The following RAVER2 variants were observed in gnomAD, a reference collection of about 807,000 sequenced individuals.
RAVER2 encodes the protein ribonucleoprotein PTB-binding 2.
RAVER2 carries 46 observed loss-of-function variants against 78.1 expected under a neutral mutation model. The observed-to-expected ratio is 0.59, with a 90% CI of 0.46 to 0.75. RAVER2 has a LOEUF of 0.75. Among genes scored for constraint, RAVER2 ranks in the 30% least tolerant of loss-of-function variants. The probability of loss-of-function intolerance (pLI) is 0.00; values close to 1 mark genes in which losing one functional copy is unlikely to be tolerated. For synonymous variants in RAVER2, 311 were observed against 313.3 expected (o/e 0.99, Z 0.08); for missense variants, 793 against 837.5 (o/e 0.95, Z 0.66).
At chr1:64,783,165 A>G (rs1022089172) in intron 4 of RAVER2, among the ~76,000 whole-genome samples, 1 of 152,144 alleles carries the variant, frequency 6.6e-6, no homozygotes, top group East Asian at 1.9e-4. Flanking sequence ...AGTCTTTGCT[A>G]TTGTGAATAG....
chr1:64,745,209 G>T lies in RAVER2; in HGVS notation c.37G>T (p.Gly13Cys). 2 of 1,054,296 alleles carry T rather than the reference G, an allele frequency of 1.9e-6. No homozygotes were observed. The highest frequency in any genetic ancestry group is 2.3e-6 in the Non-Finnish European group (2 of 875,888). 65.3% of individuals were successfully genotyped at this position (1,054,296 alleles called of 1,614,324 possible). A position where few individuals can be genotyped will look rare whatever the true frequency, so the allele number is the denominator to read the frequency against. ...GGCGGGAGACGGCGGCGGCGAGGGG[G>T]GCGCGGGCCTGGGCAGCGCGGCGGG... The change falls in exon 1 of 12, where the codon GGC becomes TGC. Residue 13 changes from glycine to cysteine, a missense_variant. Coordinates refer to ENST00000294428, the Ensembl canonical transcript of RAVER2. This position sits in a 1 kb window ranked among gnomAD's most constrained non-coding sequence, Gnocchi z 4.3.
chr1:64,824,452 C>T (rs571089621), intron 11 of RAVER2, among the ~76,000 whole-genome samples: 2 of 152,082 alleles, frequency 1.3e-5, no homozygotes, highest in African/African-American at 4.8e-5. Flanking sequence ...TTGTATGGAC[C>T]GTGATAGATC....
exon 12 of RAVER2, chr1:64,831,921 C>G (rs1279838592): frequency 2.0e-5 from 3 of 152,210 alleles, no homozygotes; most frequent in Non-Finnish European, 4.4e-5. Flanking sequence ...TCAACAGAGA[C>G]TGTATGGCCT....
intron 1 of RAVER2, among the ~76,000 whole-genome samples, chr1:64,754,580 A>G (rs1001950284): frequency 1.3e-5 from 2 of 152,186 alleles, no homozygotes; most frequent in African/African-American, 4.8e-5. Context: ...ATAATTATTC[A>G]ATCAGTCAAC....
intron 8 of RAVER2, among the ~76,000 whole-genome samples, chr1:64,806,361 T>C (rs1266531818): frequency 6.6e-6 from 1 of 152,134 alleles, no homozygotes; most frequent in Non-Finnish European, 1.5e-5. Context: ...CAGTGAGCCA[T>C]GATTGTGCCA....
At chr1:64,810,817 T>C (rs1463923814) in intron 9 of RAVER2, among the ~76,000 whole-genome samples, 1 of 152,204 alleles carries the variant, frequency 6.6e-6, no homozygotes, top group Non-Finnish European at 1.5e-5. Flanking sequence ...CTACATACAG[T>C]TGACCCTAGA....
intron 4 of RAVER2, among the ~76,000 whole-genome samples, chr1:64,788,369 G>A (rs1652841038): frequency 6.6e-6 from 1 of 151,968 alleles, no homozygotes; most frequent in Admixed American, 6.6e-5. Context: ...CTACTTGGGA[G>A]GCTGAGGCAG....
intron 11 of RAVER2, among the ~76,000 whole-genome samples, chr1:64,827,501 C>G (rs576104775): frequency 1.3e-5 from 2 of 152,234 alleles, no homozygotes; most frequent in Admixed American, 6.5e-5. Flanking sequence ...TTTCAGCCAA[C>G]CCTAAAAAAG....
chr1:64,821,495 C>T (rs1653886698), intron 11 of RAVER2, among the ~76,000 whole-genome samples: 1 of 152,016 alleles, frequency 6.6e-6, no homozygotes. Flanking sequence ...CCATATTGCA[C>T]TAAAACCGCC....
At chr1:64,793,301 G>T (rs1652996149) in intron 5 of RAVER2, among the ~76,000 whole-genome samples, 1 of 152,112 alleles carries the variant, frequency 6.6e-6, no homozygotes, top group Admixed American at 6.6e-5. Flanking sequence ...ACAGGTACTT[G>T]TTTATTGTCT....
intron 3 of RAVER2, 48 bp downstream of exon 3, chr1:64,778,140 T>G (rs533324013): frequency 7.5e-7 from 1 of 1,331,416 alleles, no homozygotes; most frequent in Non-Finnish European, 1.0e-6. Flanking sequence ...TATATACATA[T>G]GTATCTAATC....
intron 2 of RAVER2, among the ~76,000 whole-genome samples, chr1:64,776,222 C>G (rs1652459113): frequency 6.6e-6 from 1 of 151,970 alleles, no homozygotes; most frequent in African/African-American, 2.4e-5. Context: ...GGAAAAAAGA[C>G]ATAGAATCAA....
chr1:64,829,256 A>G (rs1268443049), intron 11 of RAVER2, among the ~76,000 whole-genome samples: 1 of 152,192 alleles, frequency 6.6e-6, no homozygotes, highest in Non-Finnish European at 1.5e-5. Context: ...AGAATTGGGG[A>G]AGGTGGGTGA....
chr1:64,818,466 G>GCCT lies in RAVER2; in HGVS notation c.1929+3627_1929+3628insCTC, dbSNP rs367926885. Among the ~76,000 whole-genome samples the GCCT allele has an allele frequency of 8.5e-3, 1,290 of 152,254 alleles. 23 individuals are homozygous for GCCT. Among genetic ancestry groups the GCCT allele is most frequent in the African/African-American group, 0.03 (1,247 of 41,534 alleles). On this transcript the variant is annotated intron_variant, in intron 11 of 11. Transcript: ENST00000294428. ...CAGGAGAATGGCGTGAACCCAGGAG[G>GCCT]CGGAGGTTGCAGTGAGCCGAGATTG...
intron 2 of RAVER2, among the ~76,000 whole-genome samples, chr1:64,775,331 C>T (rs917032334): frequency 6.6e-6 from 1 of 152,236 alleles, no homozygotes; most frequent in Admixed American, 6.5e-5. Context: ...GCCCCTCATA[C>T]TTCCCCTTTG....
intron 3 of RAVER2, among the ~76,000 whole-genome samples, chr1:64,779,630 G>T (rs1652575009): frequency 6.6e-6 from 1 of 151,582 alleles, no homozygotes. Context: ...TCCTGCCTTG[G>T]CCTCCCAAAG....
intron 5 of RAVER2, among the ~76,000 whole-genome samples, chr1:64,796,592 C>T (rs1304316212): frequency 3.9e-5 from 6 of 152,094 alleles, no homozygotes; most frequent in Admixed American, 1.3e-4. Flanking sequence ...TCTTTAATCT[C>T]TGCAGGATCT....
chr1:64,753,209 A>G (rs1466640950), intron 1 of RAVER2, among the ~76,000 whole-genome samples: 1 of 152,022 alleles, frequency 6.6e-6, no homozygotes, highest in African/African-American at 2.4e-5. Context: ...GCATATAACC[A>G]TGCTGGCTAA....
rs574550445 is a variant in RAVER2 at position 64,756,708 on chromosome 1, C to T, written c.249+11287C>T. 1.5e-3 allele frequency among the ~76,000 whole-genome samples: 221 copies of T among 152,262 alleles called. 1 individual carries two copies. The highest frequency in any genetic ancestry group is 5.1e-3 in the African/African-American group (210 of 41,556). ...AAATTACAGACTCTATTTTAGATTT[C>T]ATTAGTTTTTTCACTTAAGTTCCAT... On this transcript the variant is annotated intron_variant, in intron 1 of 11. Coordinates refer to ENST00000294428, the Ensembl canonical transcript of RAVER2.
Sources: allele counts gnomAD v4.1 joint callset (sites outside exome capture counted in the v4.1 genomes callset), GRCh38; gene constraint gnomAD v4.1.1; non-coding constraint Gnocchi (gnomAD v3.1); transcripts MANE v1.5; gene names NCBI Gene and HGNC (gene_info 2026-07-23, HGNC 2026-07-21).